Variants in SELENOT observed in about 807,000 individuals in gnomAD.
SELENOT encodes thioredoxin reductase-like selenoprotein T.
Under a neutral mutation model 24.3 loss-of-function variants are expected in SELENOT, and 9 were observed. That is an observed-to-expected ratio of 0.37 (90% confidence interval 0.22 to 0.65). SELENOT has a LOEUF of 0.65. Ranked by LOEUF, SELENOT falls within the 30% of genes least tolerant of loss-of-function variation. The pLI, the probability that SELENOT is intolerant of heterozygous loss-of-function variation, is 0.60. For synonymous variants in SELENOT, 81 were observed against 86.0 expected (o/e 0.94, Z 0.32); for missense variants, 166 against 247.6 (o/e 0.67, Z 2.21).
At chr3:150,616,521 C>T (rs1015705666) in intron 1 of SELENOT, among the ~76,000 whole-genome samples, 5 of 150,718 alleles carry the variant, frequency 3.3e-5, no homozygotes, top group African/African-American at 1.2e-4. Context: ...ACAAACAACC[C>T]CATCAAAAAG....
chr3:150,626,297 A>G (rs928129368), intron 4 of SELENOT, among the ~76,000 whole-genome samples: 5 of 152,216 alleles, frequency 3.3e-5, no homozygotes, highest in South Asian at 2.1e-4. Flanking sequence ...AAGGCTCTGC[A>G]TGATCTATTT....
At chr3:150,614,411 GTT>G (rs878859579) in intron 1 of SELENOT, among the ~76,000 whole-genome samples, 3 of 144,234 alleles carry the variant, frequency 2.1e-5, no homozygotes, top group African/African-American at 2.5e-5. Context: ...ATGGAGGTGG[GTT>G]TTTTTTTTTT....
rs1287635836 is a variant in SELENOT, at chr3:150,629,124, T to C, written c.*1495T>C. 2 of 152,190 alleles carry C rather than the reference T, an allele frequency of 1.3e-5. No homozygotes were observed. The highest frequency in any genetic ancestry group is 3.8e-4 in the East Asian group (2 of 5,200). 9.4% of individuals were successfully genotyped at this position (152,190 alleles called of 1,614,324 possible). A position where few individuals can be genotyped will look rare whatever the true frequency, so the allele number is the denominator to read the frequency against. On this transcript the variant is annotated 3_prime_UTR_variant, in exon 6 of 6. Coordinates refer to ENST00000471696, the MANE Select transcript of SELENOT (RefSeq NM_016275.5). The stretch of plus-strand genomic sequence containing the variant: ...CTTTCTGTAACAATTAACCTTATAC[T>C]TTGTTTGTCATCGAATATTTGTTGA...
intron 4 of SELENOT, among the ~76,000 whole-genome samples, chr3:150,625,902 C>T (rs1410722016): frequency 6.8e-6 from 1 of 147,884 alleles, no homozygotes; most frequent in African/African-American, 2.5e-5. Context: ...CGGAGTCTCG[C>T]TGTGTCGCCC....
chr3:150,606,478 G>A (rs1725964641), intron 1 of SELENOT, among the ~76,000 whole-genome samples: 1 of 152,088 alleles, frequency 6.6e-6, no homozygotes, highest in African/African-American at 2.4e-5. Context: ...TATGTTGATT[G>A]AGCAATATAA....
Position 150,611,259 on chromosome 3 carries a change from C to T in SELENOT, c.137+7760C>T, listed in dbSNP as rs1049236790. On this transcript the variant is annotated intron_variant, in intron 1 of 5. Transcript: ENST00000471696. ...CAAGTTTTTAGTCTCAATTCCACAT[C>T]TAGTGAACACCACTATCAACCTTGA... 11 of 1,225,326 alleles carry T rather than the reference C, an allele frequency of 9.0e-6. No individual in the cohort carries two copies. The Admixed American group carries it at 2.1e-4, about 23-fold the overall frequency. 75.9% of individuals were successfully genotyped at this position (1,225,326 alleles called of 1,614,324 possible).
At chr3:150,611,458 A>T (rs6801796) in intron 1 of SELENOT, 846,365 of 1,201,354 alleles carry the variant, frequency 0.7, 303,853 homozygotes, top group East Asian at 1. Context: ...AAGTGTATTT[A>T]CTTGTAATTG....
At chr3:150,626,536 C>T (rs143412604) in intron 4 of SELENOT, among the ~76,000 whole-genome samples, 159 of 152,258 alleles carry the variant, frequency 1.0e-3, no homozygotes, top group African/African-American at 3.8e-3. Context: ...TTTCCACCTT[C>T]CCATCCTCCC....
intron 5 of SELENOT, among the ~76,000 whole-genome samples, 160 bp downstream of exon 5, chr3:150,627,323 G>A (rs1034710219): frequency 2.0e-5 from 3 of 152,136 alleles, no homozygotes; most frequent in African/African-American, 7.2e-5. Context: ...AAGAGAGTTC[G>A]GCCCTGCCAA....
intron 1 of SELENOT, among the ~76,000 whole-genome samples, chr3:150,619,701 A>C (rs1726297813): frequency 6.6e-6 from 1 of 152,158 alleles, no homozygotes; most frequent in Admixed American, 6.5e-5. Flanking sequence ...AGAGTGGAAT[A>C]ATTTGAAAGA....
intron 2 of SELENOT, among the ~76,000 whole-genome samples, chr3:150,622,747 G>A (rs1245935204): frequency 6.6e-6 from 1 of 151,934 alleles, no homozygotes; most frequent in African/African-American, 2.4e-5. Context: ...TTTAATTGTG[G>A]AAATAGAATA....
intron 1 of SELENOT, among the ~76,000 whole-genome samples, chr3:150,618,390 G>T (rs1726265752): frequency 6.6e-6 from 1 of 152,212 alleles, no homozygotes. Context: ...AAATATCTGA[G>T]ATCTTGTTCA....
intron 1 of SELENOT, among the ~76,000 whole-genome samples, chr3:150,612,837 T>C (rs1003259074): frequency 1.3e-5 from 2 of 152,248 alleles, no homozygotes; most frequent in Admixed American, 1.3e-4. Context: ...TTTATTCTTT[T>C]AATTAGACAT....
At position 150,605,623 on chromosome 3, in the gene SELENOT, T is replaced by A. The variant is rs555281475; in HGVS notation, c.137+2124T>A. Among the ~76,000 whole-genome samples the A allele has an allele frequency of 2.7e-5, 4 of 147,434 alleles. No homozygotes were observed. In the South Asian group the frequency reaches 9.0e-4, roughly 33 times the overall value. On this transcript the variant is annotated intron_variant, in intron 1 of 5. Coordinates refer to ENST00000471696, the MANE Select transcript of SELENOT (RefSeq NM_016275.5). The stretch of plus-strand genomic sequence containing the variant: ...ATTTTTATTTTTATTTTTCTGACAC[T>A]ATCCACCGGAGATCATTTTTTGTTT...
intron 1 of SELENOT, among the ~76,000 whole-genome samples, chr3:150,617,811 T>G (rs1296705902): frequency 1.3e-5 from 2 of 148,474 alleles, no homozygotes; most frequent in African/African-American, 2.5e-5. Flanking sequence ...GCTTTTTATC[T>G]TCATTCAAAG....
chr3:150,612,169 C>T (rs1406527614), intron 1 of SELENOT, among the ~76,000 whole-genome samples: 2 of 151,926 alleles, frequency 1.3e-5, no homozygotes, highest in Non-Finnish European at 2.9e-5. Context: ...TCTTGGCTCA[C>T]CGTAACCTCC....
At chr3:150,626,085 G>A (rs1488871168) in intron 4 of SELENOT, among the ~76,000 whole-genome samples, 1 of 152,060 alleles carries the variant, frequency 6.6e-6, no homozygotes. Context: ...TAGCCAGGAT[G>A]GTCTTGATCT....
intron 1 of SELENOT, among the ~76,000 whole-genome samples, chr3:150,607,830 G>A (rs1726000412): frequency 6.6e-6 from 1 of 152,156 alleles, no homozygotes; most frequent in South Asian, 2.1e-4. Flanking sequence ...GCCGTTAAGA[G>A]CTTGAGGGTC....
At chr3:150,611,871 C>T in intron 1 of SELENOT, 2 of 1,001,610 alleles carry the variant, frequency 2.0e-6, no homozygotes, top group South Asian at 1.5e-5. Context: ...GGCGTGAAGC[C>T]GTTCATGTCT....
Sources: gnomAD v4.1 joint callset for allele counts (sites outside exome capture counted in the v4.1 genomes callset) on GRCh38, gnomAD v4.1.1 for gene constraint, MANE v1.5 for transcripts, NCBI Gene and HGNC (gene_info 2026-07-23, HGNC 2026-07-21) for gene names.